The following RAP1GDS1 variants were observed in gnomAD, a reference collection of about 807,000 sequenced individuals.
The protein encoded by RAP1GDS1 is Rap1 GTPase-GDP dissociation stimulator 1, also known as RAP1, GTP-GDP dissociation stimulator 1.
RAP1GDS1 carries 35 observed loss-of-function variants against 71.1 expected under a neutral mutation model. The observed-to-expected ratio is 0.49, with a 90% CI of 0.38 to 0.65. RAP1GDS1 has a LOEUF of 0.65. Among genes scored for constraint, RAP1GDS1 ranks in the 30% least tolerant of loss-of-function variants. The pLI, the probability that RAP1GDS1 is intolerant of heterozygous loss-of-function variation, is 0.00. For missense variants in RAP1GDS1, 663 were observed against 706.1 expected (o/e 0.94, Z 0.69); for synonymous variants, 229 against 243.1 (o/e 0.94, Z 0.54).
intron 14 of RAP1GDS1, chr4:98,441,682 C>A: frequency 1.1e-6 from 1 of 904,944 alleles, no homozygotes; most frequent in Non-Finnish European, 1.3e-6. Context: ...AGGATGAATC[C>A]CTTGAGGCTA....
chr4:98,372,894 T>G (rs543481479), intron 4 of RAP1GDS1, among the ~76,000 whole-genome samples: 15 of 152,292 alleles, frequency 9.8e-5, no homozygotes, highest in African/African-American at 3.6e-4. Context: ...CTCACTGTGT[T>G]GCCCAGGCTG....
At chr4:98,360,874 G>A (rs569483090) in intron 4 of RAP1GDS1, among the ~76,000 whole-genome samples, 32 of 152,008 alleles carry the variant, frequency 2.1e-4, no homozygotes, top group African/African-American at 7.5e-4. Context: ...GAGTTCAAGA[G>A]CAGTCTGGTC....
chr4:98,371,310 T>G (rs933953068), intron 4 of RAP1GDS1, among the ~76,000 whole-genome samples: 3 of 151,294 alleles, frequency 2.0e-5, no homozygotes, highest in African/African-American at 7.3e-5. Flanking sequence ...AGAGGCAGGA[T>G]TTCACCTTGT....
At chr4:98,346,717 T>G (rs1458788313) in intron 3 of RAP1GDS1, among the ~76,000 whole-genome samples, 2 of 152,126 alleles carry the variant, frequency 1.3e-5, no homozygotes, top group Non-Finnish European at 2.9e-5. Flanking sequence ...GCTAATTTTT[T>G]GTATCTTTAG....
chr4:98,296,870 A>G, intron 2 of RAP1GDS1: 1 of 372,946 alleles, frequency 2.7e-6, no homozygotes, highest in South Asian at 2.0e-5. Context: ...AAGAAAAATT[A>G]ACATTCTATT....
intron 2 of RAP1GDS1, among the ~76,000 whole-genome samples, chr4:98,312,065 G>A (rs979548599): frequency 1.3e-5 from 2 of 152,202 alleles, no homozygotes; most frequent in Non-Finnish European, 2.9e-5. Context: ...ATGGAAAGCA[G>A]TGAGGAGATA....
chr4:98,299,299 G>T (rs1270204040), intron 2 of RAP1GDS1, among the ~76,000 whole-genome samples: 1 of 152,240 alleles, frequency 6.6e-6, no homozygotes, highest in Middle Eastern at 3.4e-3. Flanking sequence ...TCTTTATCTA[G>T]TCTATCATTG....
At chr4:98,376,520 A>G (rs1199186516) in intron 4 of RAP1GDS1, among the ~76,000 whole-genome samples, 2 of 152,068 alleles carry the variant, frequency 1.3e-5, no homozygotes, top group Non-Finnish European at 2.9e-5. Flanking sequence ...AAGATGACTT[A>G]TGTCACTGGT....
At chr4:98,282,534 A>C (rs1023477472) in intron 1 of RAP1GDS1, among the ~76,000 whole-genome samples, 1 of 147,396 alleles carries the variant, frequency 6.8e-6, no homozygotes, top group Non-Finnish European at 1.5e-5. Flanking sequence ...CGGTCTATCA[A>C]TTTTGTTGAT....
intron 9 of RAP1GDS1, 57 bp from the exon 10 acceptor site, chr4:98,418,600 T>C: frequency 6.9e-7 from 1 of 1,457,054 alleles, no homozygotes; most frequent in Non-Finnish European, 9.2e-7. Flanking sequence ...ATCAGTATTA[T>C]AAAGTATTTA....
chr4:98,413,145 C>T (rs188859534), intron 7 of RAP1GDS1, among the ~76,000 whole-genome samples: 1,741 of 152,128 alleles, frequency 0.011, 32 homozygotes, highest in African/African-American at 0.039. Context: ...ATCTCAACCG[C>T]ATAAGACAGA....
chr4:98,386,286 A>G (rs1188027262), intron 5 of RAP1GDS1, among the ~76,000 whole-genome samples: 2 of 151,922 alleles, frequency 1.3e-5, no homozygotes, highest in East Asian at 1.9e-4. Context: ...CAGTAAATGA[A>G]TAAGTTTCTT....
At chr4:98,270,056 G>T (rs1009443946) in intron 1 of RAP1GDS1, among the ~76,000 whole-genome samples, 2 of 152,108 alleles carry the variant, frequency 1.3e-5, no homozygotes, top group Admixed American at 6.5e-5. Flanking sequence ...TTGGTCTTTG[G>T]TTTCAAGATG....
chr4:98,407,851 AGAAG>A (rs1180351380), intron 7 of RAP1GDS1, among the ~76,000 whole-genome samples: 2 of 152,162 alleles, frequency 1.3e-5, no homozygotes, highest in Non-Finnish European at 2.9e-5. Context: ...AATAATAAGC[AGAAG>A]GAAGGAAATG....
chr4:98,325,951 G>A (rs1489023572), intron 2 of RAP1GDS1, among the ~76,000 whole-genome samples: 2 of 151,520 alleles, frequency 1.3e-5, no homozygotes, highest in Non-Finnish European at 2.9e-5. Context: ...TAGTTGTAGT[G>A]CTAGATATAT....
chr4:98,381,969 G>C (rs987222180), intron 5 of RAP1GDS1, among the ~76,000 whole-genome samples: 1 of 151,556 alleles, frequency 6.6e-6, no homozygotes, highest in African/African-American at 2.4e-5. Context: ...TGTTCATACA[G>C]TAAAACTCAG....
At chr4:98,348,585 A>C (rs1316915554) in intron 3 of RAP1GDS1, among the ~76,000 whole-genome samples, 2 of 152,198 alleles carry the variant, frequency 1.3e-5, no homozygotes, top group Non-Finnish European at 2.9e-5. Context: ...TCCCACCAAC[A>C]GTGTAAAAGT....
chr4:98,419,025 C>T (rs564035684), intron 10 of RAP1GDS1, among the ~76,000 whole-genome samples: 3 of 152,220 alleles, frequency 2.0e-5, no homozygotes, highest in Admixed American at 6.5e-5. Context: ...TTACCTTTTG[C>T]GAACTGTTAG....
intron 7 of RAP1GDS1, among the ~76,000 whole-genome samples, chr4:98,413,747 G>T (rs1296648854): frequency 6.6e-6 from 1 of 152,096 alleles, no homozygotes; most frequent in Non-Finnish European, 1.5e-5. Context: ...TAATGGGATG[G>T]CTGGGTCAAA....
Sources: allele counts gnomAD v4.1 joint callset (sites outside exome capture counted in the v4.1 genomes callset), GRCh38; gene constraint gnomAD v4.1.1; transcripts MANE v1.5; gene names NCBI Gene and HGNC (gene_info 2026-07-23, HGNC 2026-07-21).